UNC13C: variants seen among roughly 807,000 people sequenced by gnomAD.
UNC13C encodes unc-13 homolog C, also known as protein unc-13 homolog C.
UNC13C carries 174 observed loss-of-function variants against 245.4 expected under a neutral mutation model. The observed-to-expected ratio is 0.71, with a 90% CI of 0.63 to 0.80. UNC13C has a LOEUF of 0.80. Among genes scored for constraint, UNC13C ranks in the 30% least tolerant of loss-of-function variants. The probability of loss-of-function intolerance (pLI) is 0.00; values close to 1 mark genes in which losing one functional copy is unlikely to be tolerated. For missense variants in UNC13C, 2,829 were observed against 2,602.9 expected, an observed-to-expected ratio of 1.09 and a Z score of -1.89; for synonymous variants, 992 against 895.1, an observed-to-expected ratio of 1.11 and a Z score of -1.93.
chr15:53,889,765 G>A, the UNC13C span, among the ~76,000 whole-genome samples: 1 of 152,038 alleles, frequency 6.6e-6, no homozygotes, highest in African/African-American at 2.4e-5. Flanking sequence ...TAGCATGAAG[G>A]GTGTTGAATT....
intron 4 of UNC13C, among the ~76,000 whole-genome samples, chr15:54,158,406 G>A (rs915172842): frequency 2.6e-5 from 4 of 151,806 alleles, no homozygotes; most frequent in African/African-American, 9.7e-5. Context: ...TCTGCTCATT[G>A]CAAGCTCCAC....
intron 30 of UNC13C, among the ~76,000 whole-genome samples, chr15:54,619,617 AG>A (rs1279266172): frequency 6.6e-6 from 1 of 152,182 alleles, no homozygotes; most frequent in Non-Finnish European, 1.5e-5. Flanking sequence ...TAGCTTGTGA[AG>A]TTTGCCCTTC....
intron 17 of UNC13C, among the ~76,000 whole-genome samples, chr15:54,380,073 C>G (rs1384428268): frequency 6.6e-6 from 1 of 152,056 alleles, no homozygotes; most frequent in African/African-American, 2.4e-5. Context: ...CAATAGATCT[C>G]TTGAATTTAT....
chr15:54,363,941 A>G (rs2039296498), intron 17 of UNC13C, among the ~76,000 whole-genome samples: 1 of 152,236 alleles, frequency 6.6e-6, no homozygotes, highest in Non-Finnish European at 1.5e-5. Context: ...TCAGTATATT[A>G]AAAAGCCCAA....
At chr15:54,538,639 T>A (rs1374370120) in intron 26 of UNC13C, among the ~76,000 whole-genome samples, 1 of 152,006 alleles carries the variant, frequency 6.6e-6, no homozygotes, top group African/African-American at 2.4e-5. Context: ...ATGTGGTACA[T>A]ATACATCATG....
intron 4 of UNC13C, among the ~76,000 whole-genome samples, chr15:54,203,778 A>ATGTGTATATGT (rs1338144526): frequency 5.6e-5 from 6 of 106,486 alleles, no homozygotes; most frequent in East Asian, 3.1e-4. Context: ...ATATATACAC[A>ATGTGTATATGT]CACATATAGA....
At position 54,537,081 on chromosome 15, in the gene UNC13C, T is replaced by C. The variant is rs150280145; in HGVS notation, c.5696+4015T>C. Among the ~76,000 whole-genome samples the C allele has an allele frequency of 7.4e-3, 1,132 of 152,184 alleles. 16 individuals carry two copies. The highest frequency in any genetic ancestry group is 0.026 in the African/African-American group (1,079 of 41,548). On this transcript the variant is annotated intron_variant, in intron 26 of 32. Coordinates refer to ENST00000260323, the MANE Select transcript of UNC13C (RefSeq NM_001080534.3). ...GTGATCGTATACATACAAAACCCTA[T>C]AGTCTCTGCCCAAAAGATTCTAGAT...
chr15:54,549,893 T>A (rs540601486), intron 28 of UNC13C, among the ~76,000 whole-genome samples: 6 of 152,304 alleles, frequency 3.9e-5, no homozygotes, highest in South Asian at 2.1e-4. Context: ...GAGAGCATAT[T>A]TTCTTTCATA....
At chr15:54,500,242 A>C in intron 21 of UNC13C, 67 bp downstream of exon 21, 1 of 1,127,058 alleles carries the variant, frequency 8.9e-7, no homozygotes, top group Non-Finnish European at 1.3e-6. Context: ...TTTTAACCTA[A>C]TGGGAATTAT....
intron 1 of UNC13C, among the ~76,000 whole-genome samples, chr15:54,008,289 G>C (rs1895232583): frequency 6.6e-6 from 1 of 152,136 alleles, no homozygotes; most frequent in Non-Finnish European, 1.5e-5. Flanking sequence ...TTAATCGCAT[G>C]ACCTTAAGCA....
chr15:53,957,101 C>T, the UNC13C span, among the ~76,000 whole-genome samples: 1 of 151,968 alleles, frequency 6.6e-6, no homozygotes, highest in African/African-American at 2.4e-5. Flanking sequence ...TTATAACATG[C>T]AAAGTGAGAA....
chr15:54,374,559 G>T (rs2039562943), intron 17 of UNC13C, among the ~76,000 whole-genome samples: 1 of 152,232 alleles, frequency 6.6e-6, no homozygotes, highest in Non-Finnish European at 1.5e-5. Flanking sequence ...CCAGGAGCAG[G>T]AAGAGGCCAG....
chr15:54,507,219 C>A, intron 23 of UNC13C, 25 bp downstream of exon 23: 2 of 1,453,702 alleles, frequency 1.4e-6, no homozygotes, highest in South Asian at 2.4e-5. Flanking sequence ...TCTCTACTTT[C>A]AAGTATCTCT....
intron 4 of UNC13C, among the ~76,000 whole-genome samples, chr15:54,145,924 G>T (rs752858549): frequency 6.6e-6 from 1 of 152,070 alleles, no homozygotes; most frequent in Non-Finnish European, 1.5e-5. Flanking sequence ...TTTGCATTTC[G>T]AATAGATCTT....
chr15:54,351,575 T>A (rs957157573), intron 17 of UNC13C, among the ~76,000 whole-genome samples: 1 of 152,168 alleles, frequency 6.6e-6, no homozygotes, highest in African/African-American at 2.4e-5. Context: ...TGGTAGATGT[T>A]ACTTGTATTA....
intron 30 of UNC13C, among the ~76,000 whole-genome samples, chr15:54,589,444 A>G (rs1898663371): frequency 6.6e-6 from 1 of 151,540 alleles, no homozygotes; most frequent in Non-Finnish European, 1.5e-5. Flanking sequence ...GATTACAGGC[A>G]CATGCCACCA....
At chr15:53,972,993 A>G in the UNC13C span, among the ~76,000 whole-genome samples, 2,981 of 152,060 alleles carry the variant, frequency 0.02, 108 homozygotes, top group African/African-American at 0.069. Context: ...TTAAGATTAT[A>G]GTTTTCATTT....
At chr15:54,534,647 C>T (rs1427308390) in intron 26 of UNC13C, among the ~76,000 whole-genome samples, 1 of 152,018 alleles carries the variant, frequency 6.6e-6, no homozygotes, top group African/African-American at 2.4e-5. Flanking sequence ...GATGAAAATT[C>T]AGGAGAAAGT....
intron 4 of UNC13C, among the ~76,000 whole-genome samples, chr15:54,218,667 TA>T (rs2035118958): frequency 6.6e-6 from 1 of 151,844 alleles, no homozygotes; most frequent in Non-Finnish European, 1.5e-5. Flanking sequence ...ATACTGAATA[TA>T]AAAATGACAT....
Sources: gnomAD v4.1 joint callset for allele counts (sites outside exome capture counted in the v4.1 genomes callset) on GRCh38, gnomAD v4.1.1 for gene constraint, MANE v1.5 for transcripts, NCBI Gene and HGNC (gene_info 2026-07-23, HGNC 2026-07-21) for gene names.